Variants in PEBP4 observed in about 807,000 individuals in gnomAD.
PEBP4 encodes the protein phosphatidylethanolamine binding protein 4.
In PEBP4, 22 loss-of-function variants were observed where a neutral mutation model predicts 23.9. That is an observed-to-expected ratio of 0.92 (90% CI 0.66 to 1.31). PEBP4 has a LOEUF of 1.31. PEBP4 is among the 40% of genes most tolerant of loss of function. The pLI is 0.00. For missense variants in PEBP4, 324 were observed against 281.7 expected (o/e 1.15, Z -1.07); for synonymous variants, 112 against 99.3 (o/e 1.13, Z -0.76).
intron 3 of PEBP4, among the ~76,000 whole-genome samples, chr8:22,825,443 C>A (rs1282507237): frequency 2.0e-5 from 3 of 152,208 alleles, no homozygotes; most frequent in Non-Finnish European, 4.4e-5. Context: ...TTATACTTGC[C>A]ACATGTTTTC....
intron 3 of PEBP4, among the ~76,000 whole-genome samples, chr8:22,873,421 G>C (rs1750125280): frequency 6.6e-6 from 1 of 152,086 alleles, no homozygotes; most frequent in South Asian, 2.1e-4. Flanking sequence ...TTTGAAGCCA[G>C]GAGACTAGCC....
chr8:22,888,417 G>T (rs959288607), intron 3 of PEBP4, among the ~76,000 whole-genome samples: 3 of 152,176 alleles, frequency 2.0e-5, no homozygotes, highest in Non-Finnish European at 4.4e-5. Context: ...GCCTCCCAAA[G>T]TGTTGGGATT....
intron 3 of PEBP4, among the ~76,000 whole-genome samples, chr8:22,877,703 AC>A (rs1808153014): frequency 6.6e-6 from 1 of 151,902 alleles, no homozygotes; most frequent in Non-Finnish European, 1.5e-5. Context: ...CACGGGGACA[AC>A]CACACATGTG....
chr8:22,759,201 G>T (rs1267561533), intron 4 of PEBP4, among the ~76,000 whole-genome samples: 3 of 152,072 alleles, frequency 2.0e-5, no homozygotes, highest in Non-Finnish European at 4.4e-5. Context: ...TGCTGTCAGG[G>T]GTGGGGGCTG....
intron 3 of PEBP4, chr8:22,880,410 G>A (rs1420522874): frequency 1.3e-5 from 2 of 152,198 alleles, no homozygotes; most frequent in African/African-American, 4.8e-5. Context: ...GCAGATGGGG[G>A]CTATAGATGG....
chr8:22,818,724 G>A (rs1806797398), intron 3 of PEBP4, among the ~76,000 whole-genome samples: 2 of 152,206 alleles, frequency 1.3e-5, no homozygotes, highest in Non-Finnish European at 2.9e-5. Context: ...AGGCCAGGAG[G>A]CCAGTTAGGA....
intron 1 of PEBP4, among the ~76,000 whole-genome samples, chr8:22,935,786 C>T (rs1473054076): frequency 6.6e-6 from 1 of 151,970 alleles, no homozygotes; most frequent in East Asian, 1.9e-4. Flanking sequence ...CAAAATATCT[C>T]ATATATGCAA....
chr8:22,924,839 A>C (rs1339085706), intron 2 of PEBP4: 4 of 985,288 alleles, frequency 4.1e-6, no homozygotes, highest in Non-Finnish European at 4.8e-6. Context: ...GGGGTATCTC[A>C]GAAGCAGGGA....
chr8:22,780,670 C>T (rs912506123), intron 4 of PEBP4, among the ~76,000 whole-genome samples: 1 of 152,088 alleles, frequency 6.6e-6, no homozygotes, highest in Non-Finnish European at 1.5e-5. Flanking sequence ...ATACACCCAC[C>T]AGGAAGAAAA....
intron 4 of PEBP4, among the ~76,000 whole-genome samples, chr8:22,776,171 AAT>A (rs202154485): frequency 1.3e-5 from 2 of 151,860 alleles, no homozygotes; most frequent in Admixed American, 6.6e-5. Context: ...AGAATCCTGA[AAT>A]GCTGACGCCA....
chr8:22,758,507 G>T (rs977579114), intron 4 of PEBP4, among the ~76,000 whole-genome samples: 5 of 152,190 alleles, frequency 3.3e-5, no homozygotes, highest in Admixed American at 2.6e-4. Context: ...GTTTGCAGGG[G>T]GCCGGTTTAC....
intron 6 of PEBP4, 83 bp downstream of exon 6, chr8:22,724,760 C>T: frequency 1.9e-6 from 2 of 1,080,258 alleles, no homozygotes; most frequent in East Asian, 2.5e-5. Context: ...GGTCAAGGCC[C>T]CAATTTCCCC....
intron 3 of PEBP4, among the ~76,000 whole-genome samples, chr8:22,909,305 C>A (rs1028674537): frequency 6.6e-6 from 1 of 152,212 alleles, no homozygotes; most frequent in African/African-American, 2.4e-5. Context: ...GGCTCTACAC[C>A]TGGGCCATGG....
At chr8:22,888,116 G>T (rs1808420417) in intron 3 of PEBP4, 2 of 151,316 alleles carry the variant, frequency 1.3e-5, no homozygotes, top group African/African-American at 4.9e-5. Flanking sequence ...CTTATTGGAT[G>T]CAGGGCCAAC....
chr8:22,744,006 C>T (rs1308487644), intron 4 of PEBP4, among the ~76,000 whole-genome samples: 1 of 152,208 alleles, frequency 6.6e-6, no homozygotes, highest in African/African-American at 2.4e-5. Context: ...GTTGTGGCTG[C>T]AGGCCAGTGT....
chr8:22,854,772 A>G (rs1466889316), intron 3 of PEBP4, among the ~76,000 whole-genome samples: 1 of 152,186 alleles, frequency 6.6e-6, no homozygotes, highest in African/African-American at 2.4e-5. Flanking sequence ...TTAATAAAGC[A>G]TGCAGAAGAA....
In PEBP4 at chr8:22,731,589, G is replaced by C. The variant is rs148995188; in HGVS notation, c.358-4369C>G. 5.4e-5 allele frequency among the ~76,000 whole-genome samples: 8 copies of C among 147,344 alleles called. No homozygotes were observed. In the East Asian group the frequency reaches 1.2e-3, roughly 22 times the overall value. On this transcript the variant is annotated intron_variant, in intron 4 of 6. Coordinates refer to ENST00000256404, the MANE Select transcript of PEBP4 (RefSeq NM_144962.3). ...TGTAGTTGGATTTTTGACTTTGTTG[G>C]GGGTGGCACCCATACGCCCTCATTG...
At chr8:22,721,225 C>T (rs1041576365) in intron 6 of PEBP4, among the ~76,000 whole-genome samples, 1 of 152,124 alleles carries the variant, frequency 6.6e-6, no homozygotes, top group African/African-American at 2.4e-5. Context: ...AAGCTGGGAG[C>T]AAATCAATTT....
chr8:22,870,348 C>T (rs563650159), intron 3 of PEBP4, among the ~76,000 whole-genome samples: 7 of 152,222 alleles, frequency 4.6e-5, no homozygotes, highest in East Asian at 3.9e-4. Flanking sequence ...AGATTACATG[C>T]GGTAGGATCC....
Sources: gnomAD v4.1 joint callset for allele counts (sites outside exome capture counted in the v4.1 genomes callset) on GRCh38, gnomAD v4.1.1 for gene constraint, MANE v1.5 for transcripts, NCBI Gene and HGNC (gene_info 2026-07-23, HGNC 2026-07-21) for gene names.